The following PDZD2 variants were observed in gnomAD, a reference collection of about 807,000 sequenced individuals.
The protein encoded by PDZD2 is PDZ domain-containing protein 2.
PDZD2 carries 90 observed loss-of-function variants against 220.7 expected under a neutral mutation model. That is an observed-to-expected ratio of 0.41 (90% CI 0.34 to 0.49). The LOEUF (loss-of-function observed/expected upper bound fraction) is 0.49. PDZD2 is among the 20% of genes least tolerant of loss of function. The probability of loss-of-function intolerance (pLI) is 0.28; values close to 1 mark genes in which losing one functional copy is unlikely to be tolerated. For missense variants in PDZD2, 3,174 were observed against 3,608.5 expected (o/e 0.88, Z 3.08); for synonymous variants, 1,375 against 1,450.5 (o/e 0.95, Z 1.18).
intron 1 of PDZD2, among the ~76,000 whole-genome samples, chr5:31,745,422 A>G (rs774735852): frequency 2.6e-5 from 4 of 152,186 alleles, no homozygotes; most frequent in Non-Finnish European, 5.9e-5. Flanking sequence ...GGTGCTCAAT[A>G]AGTATTTTTT....
chr5:32,046,879 C>G (rs1581369236), intron 7 of PDZD2, among the ~76,000 whole-genome samples: 1 of 151,976 alleles, frequency 6.6e-6, no homozygotes, highest in East Asian at 1.9e-4. Flanking sequence ...CCCATCTCTA[C>G]TAAAAATAAA....
At chr5:31,786,296 A>G (rs965185500) in intron 1 of PDZD2, among the ~76,000 whole-genome samples, 1 of 152,170 alleles carries the variant, frequency 6.6e-6, no homozygotes, top group South Asian at 2.1e-4. Flanking sequence ...GTCTCCGCAC[A>G]GTTTAGGCTC....
chr5:31,645,330 T>C (rs1487579971), intron 1 of PDZD2, among the ~76,000 whole-genome samples: 1 of 143,764 alleles, frequency 7.0e-6, no homozygotes, highest in East Asian at 2.1e-4. Flanking sequence ...TTACTCTTGG[T>C]CTCTTTTTTT....
chr5:32,040,032 G>A (rs1194401320), intron 7 of PDZD2, among the ~76,000 whole-genome samples: 5 of 146,938 alleles, frequency 3.4e-5, no homozygotes, highest in Non-Finnish European at 6.0e-5. Context: ...CAGTCTAGGA[G>A]GAAGTGAGGA....
At chr5:31,814,847 C>A (rs987526196) in intron 2 of PDZD2, among the ~76,000 whole-genome samples, 1 of 151,544 alleles carries the variant, frequency 6.6e-6, no homozygotes, top group Admixed American at 6.6e-5. Context: ...GAAAAAAAGA[C>A]CTGGAATCAA....
At chr5:31,849,608 C>T (rs896410260) in intron 2 of PDZD2, among the ~76,000 whole-genome samples, 11 of 151,856 alleles carry the variant, frequency 7.2e-5, no homozygotes, top group African/African-American at 2.2e-4. Flanking sequence ...CTTTGGGAGG[C>T]GGAGGTGGGT....
chr5:31,954,810 C>T (rs1747511850), intron 2 of PDZD2, among the ~76,000 whole-genome samples: 1 of 152,014 alleles, frequency 6.6e-6, no homozygotes, highest in Non-Finnish European at 1.5e-5. Flanking sequence ...GTGGTGCATG[C>T]CTGTAATCCT....
chr5:31,832,300 G>C (rs1756649877), intron 2 of PDZD2: 1 of 104,698 alleles, frequency 9.6e-6, no homozygotes, highest in Admixed American at 9.5e-5. Context: ...TGGATGTAAA[G>C]TTTCAGCCTG....
At chr5:31,850,142 ATAAG>A (rs1316208453) in intron 2 of PDZD2, among the ~76,000 whole-genome samples, 15 of 96,400 alleles carry the variant, frequency 1.6e-4, no homozygotes, top group African/African-American at 7.6e-4. Context: ...GTGTATATAT[ATAAG>A]TATATATGTG....
intron 2 of PDZD2, among the ~76,000 whole-genome samples, chr5:31,875,308 G>C (rs1304963932): frequency 1.3e-5 from 2 of 152,080 alleles, no homozygotes; most frequent in African/African-American, 2.4e-5. Flanking sequence ...TCAAGGCCAG[G>C]CATGGTGGCT....
rs967192565 is a variant in PDZD2 at position 31,896,334 on chromosome 5, G to A, written c.477-86821G>A. 1.1e-4 allele frequency among the ~76,000 whole-genome samples: 12 copies of A among 110,044 alleles called. No individual in the cohort carries two copies. The South Asian group carries it at 2.9e-3, about 26-fold the overall frequency. 72.2% of individuals were successfully genotyped at this position (110,044 alleles called of 152,430 possible). On this transcript the variant is annotated intron_variant, in intron 2 of 24. Transcript: ENST00000438447. Reference sequence around the variant, plus strand: ...CTATTTGATACTCTCGTGTGTGTGTGTGTGTGTGTGTGTGTGTGTGTGTGT... The same window carrying A: ...CTATTTGATACTCTCGTGTGTGTGTATGTGTGTGTGTGTGTGTGTGTGTGT...
intron 6 of PDZD2, among the ~76,000 whole-genome samples, chr5:32,025,632 ACT>A (rs1356141400): frequency 2.5e-5 from 2 of 78,512 alleles, no homozygotes; most frequent in African/African-American, 1.3e-4. Flanking sequence ...AAACAGTCTC[ACT>A]CTTGTCACCC....
intron 2 of PDZD2, among the ~76,000 whole-genome samples, chr5:31,804,246 T>C (rs919130425): frequency 1.3e-5 from 2 of 152,002 alleles, no homozygotes; most frequent in African/African-American, 4.8e-5. Flanking sequence ...GCCACTGAGA[T>C]GTAGTGGTAG....
intron 1 of PDZD2, among the ~76,000 whole-genome samples, chr5:31,676,937 A>G (rs929817022): frequency 6.6e-6 from 1 of 151,964 alleles, no homozygotes; most frequent in African/African-American, 2.4e-5. Flanking sequence ...GGCTTTGAGG[A>G]CTGCTTTCCC....
intron 1 of PDZD2, among the ~76,000 whole-genome samples, chr5:31,726,877 A>C (rs1445434750): frequency 6.6e-6 from 1 of 152,180 alleles, no homozygotes; most frequent in Non-Finnish European, 1.5e-5. Context: ...AAAGAGGTTT[A>C]ATTGCCTTGT....
At chr5:31,889,989 C>G (rs188897070) in intron 2 of PDZD2, among the ~76,000 whole-genome samples, 1 of 152,088 alleles carries the variant, frequency 6.6e-6, no homozygotes, top group East Asian at 1.9e-4. Flanking sequence ...TGTCACTGCA[C>G]TCCAGCCTGG....
chr5:31,822,817 T>C, intron 2 of PDZD2: 4 of 859,130 alleles, frequency 4.7e-6, no homozygotes, highest in Non-Finnish European at 5.7e-6. Flanking sequence ...AGACCAATTC[T>C]CCTGGATAAT....
chr5:32,108,035 C>T lies in PDZD2; in HGVS notation c.8420C>T (p.Pro2807Leu), dbSNP rs750549526. ...GDEILAINGK[P>L]LVGLMHFDAW... Reference sequence around the variant, plus strand: ...GAAATTCTTGCTATTAATGGGAAACCTCTGGTTGGGCTCATGCACTTTGAT... The same window carrying T: ...GAAATTCTTGCTATTAATGGGAAACTTCTGGTTGGGCTCATGCACTTTGAT... The change falls in exon 25 of 25, where the codon CCT becomes CTT. Residue 2807 changes from proline to leucine, a missense_variant. Around this residue, in one of 4 missense-constraint regions of PDZD2, gnomAD observed 631 missense variants for 789.9 expected, o/e 0.80. Transcript: ENST00000438447. The T allele has an allele frequency of 1.9e-6, 3 of 1,611,936 alleles. No homozygotes were observed. In the South Asian group the frequency reaches 3.3e-5, roughly 18 times the overall value.
At chr5:31,979,546 C>T (rs1156949700) in intron 2 of PDZD2, among the ~76,000 whole-genome samples, 1 of 150,230 alleles carries the variant, frequency 6.7e-6, no homozygotes, top group African/African-American at 2.5e-5. Context: ...TGCCACTGCA[C>T]TCCAGCCTGG....
Sources: allele counts gnomAD v4.1 joint callset (sites outside exome capture counted in the v4.1 genomes callset), GRCh38; gene constraint gnomAD v4.1.1; regional missense constraint gnomAD v4.1.1; transcripts MANE v1.5; gene names NCBI Gene and HGNC (gene_info 2026-07-23, HGNC 2026-07-21).